EDC4: variants seen among roughly 807,000 people sequenced by gnomAD.
The protein encoded by EDC4 is enhancer of mRNA-decapping protein 4.
Under a neutral mutation model 155.8 loss-of-function variants are expected in EDC4, and 64 were observed. The ratio of observed to expected loss-of-function variants is 0.41; its 90% CI spans 0.34 to 0.51. The LOEUF (loss-of-function observed/expected upper bound fraction) is 0.51. Among genes scored for constraint, EDC4 ranks in the 20% least tolerant of loss-of-function variants. EDC4 has a pLI of 0.19. For missense variants in EDC4, 1,303 were observed against 1,812.5 expected (o/e 0.72, Z 5.10); for synonymous variants, 684 against 716.8 (o/e 0.95, Z 0.73).
intron 1 of EDC4, 85 bp from the exon 2 acceptor site, chr16:67,875,860 C>G (rs903120282): frequency 7.1e-6 from 11 of 1,545,340 alleles, no homozygotes; most frequent in Non-Finnish European, 7.8e-6. Context: ...TAGAGCACCT[C>G]ATAGTTCTTG....
In EDC4 at chr16:67,883,784, G is replaced by T; in HGVS notation, c.4013+53G>T. The T allele has an allele frequency of 1.3e-6, 2 of 1,598,942 alleles. No individual in the cohort carries two copies. The highest frequency in any genetic ancestry group is 1.7e-6 in the Non-Finnish European group (2 of 1,169,112). On this transcript the variant is annotated intron_variant, in intron 28 of 28. Coordinates refer to ENST00000358933, the MANE Select transcript of EDC4 (RefSeq NM_014329.5). The surrounding 1 kb of genome is among the most constrained non-coding windows in gnomAD (Gnocchi z 5.3). The stretch of plus-strand genomic sequence containing the variant: ...GATGAGCTGGGGAGTGGGGCAGTGG[G>T]AGGGAGCAGTTTGAAGCTGACGCCC...
rs1171590441 is a variant in EDC4, at chr16:67,878,162, C to T, written c.895-4C>T. The T allele has an allele frequency of 8.7e-6, 14 of 1,614,020 alleles. No homozygotes were observed. The highest frequency in any genetic ancestry group is 1.2e-5 in the Non-Finnish European group (14 of 1,180,022). On this transcript the variant is annotated splice_polypyrimidine_tract_variant and splice_region_variant and intron_variant, in intron 7 of 28. Coordinates refer to ENST00000358933, the MANE Select transcript of EDC4 (RefSeq NM_014329.5). The surrounding 1 kb of genome is among the most constrained non-coding windows in gnomAD (Gnocchi z 5.2). Reference sequence around the variant, plus strand: ...GTCAGCAAAGCTTTTTGGGTTCTTTCTAGTGCCTCAGTGAAGGAGCCCTCT... The same window carrying T: ...GTCAGCAAAGCTTTTTGGGTTCTTTTTAGTGCCTCAGTGAAGGAGCCCTCT...
In EDC4 at chr16:67,883,849, C is replaced by A; in HGVS notation, c.4014-107C>A. The A allele has an allele frequency of 1.3e-6, 2 of 1,535,282 alleles. No homozygotes were observed. Among genetic ancestry groups the A allele is most frequent in the African/African-American group, 1.4e-5 (1 of 73,310 alleles). On this transcript the variant is annotated intron_variant, in intron 28 of 28. Coordinates refer to ENST00000358933, the MANE Select transcript of EDC4 (RefSeq NM_014329.5). The surrounding 1 kb of genome is among the most constrained non-coding windows in gnomAD (Gnocchi z 5.3). ...CCTCTCCCTAATTTTCTCCACCAGT[C>A]CTTTCTGCCTTCACCCAGAGGGTTC...
chr16:67,879,703 C>G lies in EDC4; in HGVS notation c.1750C>G (p.Leu584Val), dbSNP rs2058056775. Reference protein sequence around the residue: ...ELPAPADFLSLSSETKPKLMT... With the variant: ...ELPAPADFLSVSSETKPKLMT... ...GCCTGCACCTGCCGACTTCCTCAGTCTGAGCAGTGAGACCAAGCCCAAGTT... is the reference window on the plus strand; with the variant it reads ...GCCTGCACCTGCCGACTTCCTCAGTGTGAGCAGTGAGACCAAGCCCAAGTT... The change falls in exon 15 of 29, where the codon CTG becomes GTG. Residue 584 changes from leucine (L) to valine (V), a missense_variant. Leu to Val is a conservative substitution (Grantham distance 32). Transcript: ENST00000358933. The surrounding 1 kb of genome is among the most constrained non-coding windows in gnomAD (Gnocchi z 6.0). 1.2e-6 allele frequency: 2 copies of G among 1,614,186 alleles called. No homozygotes were observed. Among genetic ancestry groups the G allele is most frequent in the East Asian group, 4.5e-5 (2 of 44,878 alleles).
rs1422451814 is a variant in EDC4 at position 67,881,197 on chromosome 16, A to G, written c.2636+17A>G. 1.9e-6 allele frequency: 3 copies of G among 1,613,924 alleles called. No homozygotes were observed. The African/African-American group carries it at 4.0e-5, about 22-fold the overall frequency. On this transcript the variant is annotated intron_variant, in intron 19 of 28. Coordinates refer to ENST00000358933, the MANE Select transcript of EDC4 (RefSeq NM_014329.5). The surrounding 1 kb of genome is among the most constrained non-coding windows in gnomAD (Gnocchi z 5.4). ...TGAGCAAAGGTGGGAGCCACTCTAC[A>G]CCATTGCCCTCATGGGGGGATGGGC...
In EDC4 at chr16:67,873,214, C is replaced by A. The variant is rs2058026795; in HGVS notation, c.-48C>A. ...GTGAGCGAGGGTGCGTGGTGCGCGG[C>A]GGCGGCGGAACGAACGCGGTGCGGG... On this transcript the variant is annotated 5_prime_UTR_variant, in exon 1 of 29. Transcript: ENST00000358933. The A allele has an allele frequency of 2.3e-6, 3 of 1,320,580 alleles. No individual in the cohort carries two copies. Among genetic ancestry groups the A allele is most frequent in the Non-Finnish European group, 2.9e-6 (3 of 1,025,486 alleles). The allele number at this position is 1,320,580 out of a possible 1,614,324, so 81.8% of individuals were successfully genotyped here.
In EDC4 at chr16:67,881,633, G is replaced by A. The variant is rs1167217169; in HGVS notation, c.2827-35G>A. On this transcript the variant is annotated intron_variant, in intron 21 of 28. Transcript: ENST00000358933. This position sits in a 1 kb window ranked among gnomAD's most constrained non-coding sequence, Gnocchi z 5.4. The stretch of plus-strand genomic sequence containing the variant: ...TGGTCTGGTGTGTGGGAATAGGTGG[G>A]GCAGGCATCGTGTGACTGTCAGTGC... 3 of 1,610,364 alleles carry A rather than the reference G, an allele frequency of 1.9e-6. No individual in the cohort carries two copies. Among genetic ancestry groups the A allele is most frequent in the Non-Finnish European group, 2.5e-6 (3 of 1,177,240 alleles).
rs1349812604 is a variant in EDC4, at chr16:67,879,771, G to T, written c.1818G>T (p.Gln606His). 1.9e-6 allele frequency: 3 copies of T among 1,614,012 alleles called. No homozygotes were observed. In the South Asian group the frequency reaches 3.3e-5, roughly 18 times the overall value. The change falls in exon 15 of 29, where the codon CAG (glutamine) becomes CAT (histidine). Residue 606 changes from glutamine to histidine, a missense_variant. By Grantham distance (24) the Gln-to-His change is conservative. Coordinates refer to ENST00000358933, the MANE Select transcript of EDC4 (RefSeq NM_014329.5). The surrounding 1 kb of genome is among the most constrained non-coding windows in gnomAD (Gnocchi z 6.0). ...DAFMTPSASL[Q>H]QITASPSSSS... ...TCATGACACCTAGCGCCTCCTTGCA[G>T]CAGGTACTCTCCCAGGGTAGGGGGA...
Position 67,876,829 on chromosome 16 carries a change from G to A in EDC4, c.352-44G>A, listed in dbSNP as rs765594590. On this transcript the variant is annotated intron_variant, in intron 3 of 28. Transcript: ENST00000358933. The surrounding 1 kb of genome is among the most constrained non-coding windows in gnomAD (Gnocchi z 5.8). ...CCCCAGGGATGTTGGGGGCCACCTA[G>A]GCTCTGGGGAAGTTCCATGACTTTT... The A allele has an allele frequency of 1.2e-6, 2 of 1,606,580 alleles. No homozygotes were observed. The highest frequency in any genetic ancestry group is 1.7e-6 in the Non-Finnish European group (2 of 1,175,964).
chr16:67,874,356 T>G (rs1171905254), intron 1 of EDC4, among the ~76,000 whole-genome samples: 1 of 152,212 alleles, frequency 6.6e-6, no homozygotes, highest in Admixed American at 6.5e-5. Context: ...GACTGGCTGC[T>G]TCTGGAAGCA....
Position 67,881,281 on chromosome 16 carries a change from G to A in EDC4, c.2653G>A (p.Val885Met), listed in dbSNP as rs749988467. ...TTCCCACAGTGACCATGATGATGAGGTGGCCAGCCTTGCCTCTGCTTCAGG... is the reference window on the plus strand; with the variant it reads ...TTCCCACAGTGACCATGATGATGAGATGGCCAGCCTTGCCTCTGCTTCAGG... ...SAEQSDHDDE[V>M]ASLASASGGF... Residue 885 changes from valine to methionine, a missense_variant, in exon 20 of 29, where the codon GTG (valine) becomes ATG (methionine). This residue lies in a region of EDC4 where 527 missense variants were observed against 757.0 expected (regional missense o/e 0.70). Coordinates refer to ENST00000358933, the MANE Select transcript of EDC4 (RefSeq NM_014329.5). This position sits in a 1 kb window ranked among gnomAD's most constrained non-coding sequence, Gnocchi z 5.4. The A allele has an allele frequency of 6.2e-7, 1 of 1,614,100 alleles. No individual in the cohort carries two copies. The highest frequency in any genetic ancestry group is 1.1e-5 in the South Asian group (1 of 91,080).
chr16:67,878,320 C>T lies in EDC4; in HGVS notation c.1005-40C>T, dbSNP rs376877654. Reference sequence around the variant, plus strand: ...ACCAGGATCCTCCCGAGGTAGCCCACCCGACCACTCACTCAGGCCCCTCAT... The same window carrying T: ...ACCAGGATCCTCCCGAGGTAGCCCATCCGACCACTCACTCAGGCCCCTCAT... On this transcript the variant is annotated intron_variant, in intron 8 of 28. Transcript: ENST00000358933. The surrounding 1 kb of genome is among the most constrained non-coding windows in gnomAD (Gnocchi z 5.2). The T allele has an allele frequency of 6.2e-6, 10 of 1,614,078 alleles. No homozygotes were observed. The highest frequency in any genetic ancestry group is 8.5e-6 in the Non-Finnish European group (10 of 1,180,054).
Position 67,878,277 on chromosome 16 carries a change from T to G in EDC4, c.1004+2T>G. The stretch of plus-strand genomic sequence containing the variant: ...CATTGAGGGGCAAGATGAGCCAAGG[T>G]AAGGCAGGGCCTCAGGGACCAGGAT... On this transcript the variant is annotated splice_donor_variant, in intron 8 of 28. Coordinates refer to ENST00000358933, the MANE Select transcript of EDC4 (RefSeq NM_014329.5). LOFTEE classifies it high-confidence loss of function. This position sits in a 1 kb window ranked among gnomAD's most constrained non-coding sequence, Gnocchi z 5.2. 1.2e-6 allele frequency: 2 copies of G among 1,614,160 alleles called. No individual in the cohort carries two copies. Among genetic ancestry groups the G allele is most frequent in the Non-Finnish European group, 1.7e-6 (2 of 1,180,038 alleles).
Position 67,878,540 on chromosome 16 carries a change from C to T in EDC4, c.1093C>T (p.Pro365Ser). ...CACTGCCTTGTTGCCTTGCAGTGTCCCTTTCTGGAGGTTCCTTATTACTGG... is the reference window on the plus strand; with the variant it reads ...CACTGCCTTGTTGCCTTGCAGTGTCTCTTTCTGGAGGTTCCTTATTACTGG... The part of the protein sequence containing the change: ...DNHKKQDPDV[P>S]FWRFLITGAD... The change falls in exon 10 of 29, where the codon CCT becomes TCT. Residue 365 changes from proline to serine, a missense_variant. Around this residue, in one of 5 missense-constraint regions of EDC4, gnomAD observed 235 missense variants for 367.7 expected, o/e 0.64. Transcript: ENST00000358933. This position sits in a 1 kb window ranked among gnomAD's most constrained non-coding sequence, Gnocchi z 5.2. 1 of 1,614,172 alleles carries T rather than the reference C, an allele frequency of 6.2e-7. No individual in the cohort carries two copies. Among genetic ancestry groups the T allele is most frequent in the Non-Finnish European group, 8.5e-7 (1 of 1,180,024 alleles).
rs2058044610 is a variant in EDC4, at chr16:67,877,012, A to G, written c.451+40A>G. The G allele has an allele frequency of 6.2e-7, 1 of 1,609,176 alleles. No individual in the cohort carries two copies. The highest frequency in any genetic ancestry group is 1.1e-5 in the South Asian group (1 of 90,382). Reference sequence around the variant, plus strand: ...TGAGGAGGAAGGAATGTTCTGCTGGATGTCCCACAGAGCCAGTTCCAACAT... The same window carrying G: ...TGAGGAGGAAGGAATGTTCTGCTGGGTGTCCCACAGAGCCAGTTCCAACAT... On this transcript the variant is annotated intron_variant, in intron 4 of 28. Transcript: ENST00000358933. This position sits in a 1 kb window ranked among gnomAD's most constrained non-coding sequence, Gnocchi z 4.9.
In EDC4 at chr16:67,881,004, G is replaced by A. The variant is rs1255081325; in HGVS notation, c.2531+14G>A. The A allele has an allele frequency of 2.5e-6, 4 of 1,613,564 alleles. No homozygotes were observed. In the Admixed American group the frequency reaches 6.7e-5, roughly 27 times the overall value. ...CCTGGCAGAAAGGTGAGGAGCTTGG[G>A]AGGGGAAAAGTGTGCTAGCAGGAGG... On this transcript the variant is annotated intron_variant, in intron 18 of 28. Coordinates refer to ENST00000358933, the MANE Select transcript of EDC4 (RefSeq NM_014329.5). The surrounding 1 kb of genome is among the most constrained non-coding windows in gnomAD (Gnocchi z 5.4).
In EDC4 at chr16:67,881,276, A is replaced by G; in HGVS notation, c.2648A>G (p.Asp883Gly). 6.2e-7 allele frequency: 1 copy of G among 1,614,024 alleles called. No individual in the cohort carries two copies. Among genetic ancestry groups the G allele is most frequent in the Non-Finnish European group, 8.5e-7 (1 of 1,179,992 alleles). Residue 883 changes from aspartate to glycine, a missense_variant, in exon 20 of 29, where the codon GAT (aspartate) becomes GGT (glycine). Physicochemically the swap from Asp to Gly is moderately conservative, Grantham distance 94. Transcript: ENST00000358933. This position sits in a 1 kb window ranked among gnomAD's most constrained non-coding sequence, Gnocchi z 5.4. ...DASAEQSDHD[D>G]EVASLASASG... ...TCCCCTTCCCACAGTGACCATGATG[A>G]TGAGGTGGCCAGCCTTGCCTCTGCT...
In EDC4 at chr16:67,879,904, A is replaced by G. The variant is rs770377535; in HGVS notation, c.1876A>G (p.Ser626Gly). 25 of 1,613,506 alleles carry G rather than the reference A, an allele frequency of 1.5e-5. No homozygotes were observed. The highest frequency in any genetic ancestry group is 1.9e-5 in the Non-Finnish European group (23 of 1,179,842). The change falls in exon 16 of 29, where the codon AGC becomes GGC. Residue 626 changes from serine to glycine, a missense_variant. Transcript: ENST00000358933. The surrounding 1 kb of genome is among the most constrained non-coding windows in gnomAD (Gnocchi z 6.0). ...SSGSSSSSSS[S>G]SSSLTAVSAM... Reference sequence around the variant, plus strand: ...CGGTAGCAGCAGCAGCAGCAGCAGTAGCAGCAGCTCCCTTACAGCTGTGTC... The same window carrying G: ...CGGTAGCAGCAGCAGCAGCAGCAGTGGCAGCAGCTCCCTTACAGCTGTGTC...
Position 67,882,022 on chromosome 16 carries a change from C to G in EDC4, c.3073C>G (p.Gln1025Glu). 6.2e-7 allele frequency: 1 copy of G among 1,612,232 alleles called. No individual in the cohort carries two copies. Among genetic ancestry groups the G allele is most frequent in the Non-Finnish European group, 8.5e-7 (1 of 1,179,492 alleles). The change falls in exon 23 of 29, where the codon CAA becomes GAA. Residue 1025 changes from glutamine to glutamate, a missense_variant. Coordinates refer to ENST00000358933, the MANE Select transcript of EDC4 (RefSeq NM_014329.5). This position sits in a 1 kb window ranked among gnomAD's most constrained non-coding sequence, Gnocchi z 7.2. Reference protein sequence around the residue: ...RGGQLQEQLTQQLSQALSSAV... With the variant: ...RGGQLQEQLTEQLSQALSSAV... Reference sequence around the variant, plus strand: ...AGGGCAGCTGCAGGAGCAGCTGACACAACAGTTGTCCCAAGCACTGTCGTC... The same window carrying G: ...AGGGCAGCTGCAGGAGCAGCTGACAGAACAGTTGTCCCAAGCACTGTCGTC...
Sources: allele counts gnomAD v4.1 joint callset (sites outside exome capture counted in the v4.1 genomes callset), GRCh38; gene constraint gnomAD v4.1.1; regional missense constraint gnomAD v4.1.1; non-coding constraint Gnocchi (gnomAD v3.1); transcripts MANE v1.5; gene names NCBI Gene and HGNC (gene_info 2026-07-23, HGNC 2026-07-21).